Variants in NIPAL2 observed in about 807,000 individuals in gnomAD.
The protein encoded by NIPAL2 is NIPA-like protein 2.
Under a neutral mutation model 48.9 loss-of-function variants are expected in NIPAL2, and 43 were observed. The ratio of observed to expected loss-of-function variants is 0.88; its 90% CI spans 0.69 to 1.13. NIPAL2 has a LOEUF of 1.13. Ranked by LOEUF, NIPAL2 falls within the 50% of genes most tolerant of loss-of-function variation. NIPAL2 has a pLI of 0.00. For synonymous variants in NIPAL2, 167 were observed against 174.6 expected (o/e 0.96, Z 0.34); for missense variants, 446 against 461.4 (o/e 0.97, Z 0.31).
At chr8:98,239,940 C>G (rs1812902060) in intron 3 of NIPAL2, among the ~76,000 whole-genome samples, 1 of 152,146 alleles carries the variant, frequency 6.6e-6, no homozygotes, top group African/African-American at 2.4e-5. Flanking sequence ...TGTTTGTAAT[C>G]AGAGGTCTAT....
At chr8:98,261,673 G>T (rs1814342777) in intron 1 of NIPAL2, among the ~76,000 whole-genome samples, 1 of 135,058 alleles carries the variant, frequency 7.4e-6, no homozygotes, top group Admixed American at 7.6e-5. Context: ...GAAAGTGATG[G>T]GGAGAATGGA....
At chr8:98,249,985 G>A (rs1813506750) in intron 3 of NIPAL2, among the ~76,000 whole-genome samples, 1 of 151,914 alleles carries the variant, frequency 6.6e-6, no homozygotes, top group South Asian at 2.1e-4. Context: ...AAAATGGAGC[G>A]CAATGTGTTG....
At position 98,192,359 on chromosome 8, in the gene NIPAL2, C is replaced by T. The variant is rs1416666980; in HGVS notation, c.*619G>A. ...CCTTACACGTAAAAAGCCCACCAGT[C>T]AAGGTCTTTTAATTTTGGTGTACAC... On this transcript the variant is annotated 3_prime_UTR_variant, in exon 11 of 11. Coordinates refer to ENST00000430223, the MANE Select transcript of NIPAL2 (RefSeq NM_001321635.2). 2.0e-5 allele frequency: 3 copies of T among 152,244 alleles called. No homozygotes were observed. The highest frequency in any genetic ancestry group is 4.4e-5 in the Non-Finnish European group (3 of 68,112). 9.4% of individuals were successfully genotyped at this position (152,244 alleles called of 1,614,324 possible). A position where few individuals can be genotyped will look rare whatever the true frequency, so the allele number is the denominator to read the frequency against.
intron 5 of NIPAL2, among the ~76,000 whole-genome samples, chr8:98,220,044 T>C (rs1221972080): frequency 5.9e-5 from 9 of 152,026 alleles, no homozygotes; most frequent in African/African-American, 2.2e-4. Flanking sequence ...TATGAGAATT[T>C]TTTTTTTTTT....
intron 4 of NIPAL2, among the ~76,000 whole-genome samples, chr8:98,224,137 G>T (rs933571351): frequency 6.6e-6 from 1 of 152,066 alleles, no homozygotes; most frequent in African/African-American, 2.4e-5. Flanking sequence ...TAACTTTCTT[G>T]TATTTAAATT....
chr8:98,276,703 T>C (rs902528487), intron 1 of NIPAL2, among the ~76,000 whole-genome samples: 1 of 152,072 alleles, frequency 6.6e-6, no homozygotes, highest in East Asian at 1.9e-4. Flanking sequence ...TCATTATTAT[T>C]GTTCCATACA....
intron 1 of NIPAL2, among the ~76,000 whole-genome samples, chr8:98,269,385 A>G (rs1441302289): frequency 6.6e-6 from 1 of 152,236 alleles, no homozygotes; most frequent in Non-Finnish European, 1.5e-5. Context: ...ATTGATCCAT[A>G]GGCTGCAGAA....
chr8:98,239,544 T>C (rs1403274630), intron 3 of NIPAL2, among the ~76,000 whole-genome samples: 4 of 152,230 alleles, frequency 2.6e-5, no homozygotes, highest in Admixed American at 6.5e-5. Context: ...TATCAAATTA[T>C]ATCAATTGCT....
At chr8:98,290,995 G>A (rs1282367357) in intron 1 of NIPAL2, among the ~76,000 whole-genome samples, 1 of 152,206 alleles carries the variant, frequency 6.6e-6, no homozygotes, top group Non-Finnish European at 1.5e-5. Context: ...CAAACAAGAT[G>A]TATCTGTAGG....
intron 1 of NIPAL2, among the ~76,000 whole-genome samples, chr8:98,267,482 A>G (rs1397781987): frequency 6.6e-6 from 1 of 151,838 alleles, no homozygotes. Flanking sequence ...TACCACACCC[A>G]CCTAATTTTT....
intron 4 of NIPAL2, among the ~76,000 whole-genome samples, chr8:98,223,263 C>A (rs561298858): frequency 2.6e-5 from 4 of 152,000 alleles, no homozygotes; most frequent in African/African-American, 7.2e-5. Context: ...AAAATAGAAA[C>A]CACGTCATAA....
intron 1 of NIPAL2, among the ~76,000 whole-genome samples, chr8:98,262,163 G>A (rs1194366470): frequency 1.5e-4 from 23 of 148,404 alleles, no homozygotes; most frequent in African/African-American, 2.5e-4. Flanking sequence ...GGTACCAGCC[G>A]CTGCAAAATC....
chr8:98,226,453 C>T (rs1042625934), intron 4 of NIPAL2, among the ~76,000 whole-genome samples: 8 of 152,096 alleles, frequency 5.3e-5, no homozygotes, highest in African/African-American at 1.9e-4. Context: ...CATTCCAAGC[C>T]CAGTAATGCT....
chr8:98,231,528 G>A (rs186565953), intron 4 of NIPAL2, among the ~76,000 whole-genome samples: 22 of 152,254 alleles, frequency 1.4e-4, no homozygotes, highest in Non-Finnish European at 2.2e-4. Flanking sequence ...AGATGATTTG[G>A]TGCTTTTGAC....
intron 5 of NIPAL2, among the ~76,000 whole-genome samples, chr8:98,213,455 T>C (rs1811422153): frequency 6.6e-6 from 1 of 152,214 alleles, no homozygotes; most frequent in Admixed American, 6.5e-5. Flanking sequence ...ATTCCTTTGC[T>C]GAAACCTCCT....
chr8:98,259,321 C>T (rs957641497), intron 1 of NIPAL2, among the ~76,000 whole-genome samples: 5 of 151,760 alleles, frequency 3.3e-5, no homozygotes, highest in Admixed American at 6.6e-5. Flanking sequence ...GTGATCCGCC[C>T]GTCTCGGCCT....
intron 1 of NIPAL2, among the ~76,000 whole-genome samples, chr8:98,288,364 A>G (rs1225706749): frequency 6.6e-6 from 1 of 150,768 alleles, no homozygotes; most frequent in Non-Finnish European, 1.5e-5. Flanking sequence ...TACAAAGGAC[A>G]TGAACTCATC....
At chr8:98,200,735 C>T (rs529747021) in intron 8 of NIPAL2, among the ~76,000 whole-genome samples, 14 of 152,316 alleles carry the variant, frequency 9.2e-5, no homozygotes, top group Admixed American at 7.8e-4. Context: ...TTTACATCCC[C>T]ACCAATGGTG....
chr8:98,286,137 T>C (rs1311627006), intron 1 of NIPAL2, among the ~76,000 whole-genome samples: 4 of 152,190 alleles, frequency 2.6e-5, no homozygotes, highest in Non-Finnish European at 4.4e-5. Flanking sequence ...ATGTGATGCC[T>C]TCCCTCATGT....
Sources: gnomAD v4.1 joint callset for allele counts (sites outside exome capture counted in the v4.1 genomes callset) on GRCh38, gnomAD v4.1.1 for gene constraint, MANE v1.5 for transcripts, NCBI Gene and HGNC (gene_info 2026-07-23, HGNC 2026-07-21) for gene names.